RPS6KA3: variants seen among roughly 807,000 people sequenced by gnomAD.
RPS6KA3 encodes ribosomal protein S6 kinase alpha-3.
Under a neutral mutation model 67.2 loss-of-function variants are expected in RPS6KA3, and 4 were observed. The observed-to-expected ratio is 0.06, with a 90% CI of 0.03 to 0.14. RPS6KA3 has a LOEUF of 0.14. Among genes scored for constraint, RPS6KA3 ranks in the 10% least tolerant of loss-of-function variants. RPS6KA3 has a pLI of 1.00. For synonymous variants in RPS6KA3, 182 were observed against 183.7 expected (o/e 0.99, Z 0.07); for missense variants, 204 against 559.0 (o/e 0.36, Z 6.40).
intron 1 of RPS6KA3, among the ~76,000 whole-genome samples, chrX:20,257,486 C>T (rs1272391172): frequency 3.6e-5 from 4 of 112,132 alleles, no homozygotes; most frequent in East Asian, 2.8e-4. Context: ...GTGCTGCACA[C>T]GCCAACTCTG....
rs111266956 is a variant in RPS6KA3, at chrX:20,155,970, G to A, written c.2100+139C>T. 3.3e-3 allele frequency: 2,284 copies of A among 682,090 alleles called. 1 individual carries two copies. The highest frequency in any genetic ancestry group is 4.5e-3 in the Non-Finnish European group (1,903 of 422,847). 56.2% of individuals were successfully genotyped at this position (682,090 alleles called of 1,213,427 possible). On this transcript the variant is annotated intron_variant, in intron 21 of 21. Transcript: ENST00000379565. The stretch of plus-strand genomic sequence containing the variant: ...TATATTGATATGCCTTGAGCTTTTC[G>A]AAGTCACCCACTGTAAGAGAATCCC...
chrX:20,265,525 T>G (rs2070353442), intron 1 of RPS6KA3: 1 of 111,917 alleles, frequency 8.9e-6, no homozygotes, highest in Non-Finnish European at 1.9e-5. Flanking sequence ...ACACGCAGCC[T>G]ATCATCCTGT....
chrX:20,209,248 G>C, intron 3 of RPS6KA3, 40 bp downstream of exon 3: 2 of 752,838 alleles, frequency 2.7e-6, no homozygotes, highest in Non-Finnish European at 4.2e-6. Flanking sequence ...CATATGAATT[G>C]AAAAGACAAC....
intron 2 of RPS6KA3, among the ~76,000 whole-genome samples, chrX:20,226,533 C>A (rs911962381): frequency 1.8e-5 from 2 of 112,129 alleles, no homozygotes; most frequent in Non-Finnish European, 3.8e-5. Flanking sequence ...GTGCATTTAC[C>A]CAAATGTTGA....
At chrX:20,214,841 CTTTTTTT>C (rs753632500) in intron 2 of RPS6KA3, among the ~76,000 whole-genome samples, 1 of 90,333 alleles carries the variant, frequency 1.1e-5, no homozygotes, top group African/African-American at 4.2e-5. Context: ...TTCTTTTTTT[CTTTTTTT>C]TTTTTTTTGA....
At chrX:20,164,745 T>C (rs2067394949) in intron 18 of RPS6KA3, among the ~76,000 whole-genome samples, 154 bp downstream of exon 18, 1 of 111,886 alleles carries the variant, frequency 8.9e-6, no homozygotes, top group Non-Finnish European at 1.9e-5. Context: ...CAGATGTCAC[T>C]GAAACATTAA....
intron 2 of RPS6KA3, among the ~76,000 whole-genome samples, chrX:20,209,930 GT>G (rs2068668159): frequency 8.9e-6 from 1 of 112,341 alleles, no homozygotes; most frequent in African/African-American, 3.2e-5. Flanking sequence ...GTACACTGAA[GT>G]TTTATTCCTT....
rs776820885 is a variant in RPS6KA3, at chrX:20,228,888, C to T, written c.126+5870G>A. ...TTCTTATTCTCCTTGTTGTTTTGGG[C>T]GGTAATTTCCCAGAGAAGAAGAGGA... On this transcript the variant is annotated intron_variant, in intron 2 of 21. Coordinates refer to ENST00000379565, the MANE Select transcript of RPS6KA3 (RefSeq NM_004586.3). Among the ~76,000 whole-genome samples, 23 of 111,650 alleles carry T rather than the reference C, an allele frequency of 2.1e-4. No homozygotes were observed. The East Asian group carries it at 3.9e-3, about 19-fold the overall frequency.
intron 2 of RPS6KA3, among the ~76,000 whole-genome samples, chrX:20,216,891 T>C (rs1372420901): frequency 8.9e-6 from 1 of 112,083 alleles, no homozygotes; most frequent in African/African-American, 3.2e-5. Flanking sequence ...TGACATACTC[T>C]GTTAGGACCA....
Position 20,266,814 on chromosome X carries a change from C to T in RPS6KA3, c.-182G>A. 2.8e-6 allele frequency: 1 copy of T among 351,880 alleles called. No homozygotes were observed. Among genetic ancestry groups the T allele is most frequent in the Non-Finnish European group, 3.7e-6 (1 of 271,502 alleles). The allele number at this position is 351,880 out of a possible 1,213,427, so 29.0% of individuals were successfully genotyped here. A position where few individuals can be genotyped will look rare whatever the true frequency, so the allele number is the denominator to read the frequency against. Reference sequence around the variant, plus strand: ...GGCCCCAGAGAGGGCTCGACGCCGACGCCGACCGCCCGAAAGCCGCGCGCC... The same window carrying T: ...GGCCCCAGAGAGGGCTCGACGCCGATGCCGACCGCCCGAAAGCCGCGCGCC... On this transcript the variant is annotated 5_prime_UTR_variant, in exon 1 of 22. Transcript: ENST00000379565.
chrX:20,218,311 A>G (rs1368286709), intron 2 of RPS6KA3, among the ~76,000 whole-genome samples: 2 of 112,219 alleles, frequency 1.8e-5, no homozygotes, highest in Non-Finnish European at 3.8e-5. Flanking sequence ...TTAAATATGG[A>G]GTTGCTTAAA....
At chrX:20,245,604 C>T (rs187180545) in intron 1 of RPS6KA3, among the ~76,000 whole-genome samples, 2 of 111,847 alleles carry the variant, frequency 1.8e-5, no homozygotes, top group Admixed American at 1.9e-4. Flanking sequence ...GGATCTACTC[C>T]TAATCCTATT....
intron 2 of RPS6KA3, among the ~76,000 whole-genome samples, chrX:20,221,447 A>AT (rs2068985883): frequency 8.9e-6 from 1 of 112,121 alleles, no homozygotes; most frequent in African/African-American, 3.2e-5. Context: ...AAGGGAAAAA[A>AT]TTTAAAAAAA....
In RPS6KA3 at chrX:20,194,210, C is replaced by T. The variant is rs1287909670; in HGVS notation, c.465G>A (p.Leu155=). The T allele has an allele frequency of 1.7e-6, 2 of 1,181,850 alleles. No homozygotes were observed. The highest frequency in any genetic ancestry group is 2.3e-6 in the Non-Finnish European group (2 of 868,901). The change falls in exon 6 of 22, where the codon TTG becomes TTA. Residue 155 remains leucine (L), a synonymous_variant. Transcript: ENST00000379565. ...LILDFLRGGD[L]FTRLSKEVMF... ...ATACCTCTTTGGATAAGCGTGTAAACAAATCTCCTCCCCTGAGAAAATCCA... is the reference window on the plus strand; with the variant it reads ...ATACCTCTTTGGATAAGCGTGTAAATAAATCTCCTCCCCTGAGAAAATCCA...
At position 20,155,340 on chromosome X, in the gene RPS6KA3, C is replaced by T. The variant is rs767703625; in HGVS notation, c.*58G>A. On this transcript the variant is annotated 3_prime_UTR_variant, in exon 22 of 22. Transcript: ENST00000379565. ...TGTCTCTCAGATACGTGCTACCTGT[C>T]GCCAGAACTTGTGCTATCAGCTTAC... The T allele has an allele frequency of 2.5e-6, 3 of 1,193,218 alleles. No individual in the cohort carries two copies. Among genetic ancestry groups the T allele is most frequent in the South Asian group, 1.8e-5 (1 of 56,483 alleles).
chrX:20,162,197 G>A (rs1310387583), intron 19 of RPS6KA3, among the ~76,000 whole-genome samples: 1 of 108,676 alleles, frequency 9.2e-6, no homozygotes, highest in African/African-American at 3.3e-5. Context: ...TTAGCCGGGA[G>A]TGATAGTGCG....
intron 1 of RPS6KA3, among the ~76,000 whole-genome samples, chrX:20,247,002 C>A (rs909670484): frequency 5.4e-5 from 6 of 111,840 alleles, no homozygotes; most frequent in Non-Finnish European, 1.1e-4. Flanking sequence ...AAAACTCACC[C>A]TAGGTTTAAA....
At chrX:20,242,209 T>C (rs2069568970) in intron 1 of RPS6KA3, among the ~76,000 whole-genome samples, 1 of 111,482 alleles carries the variant, frequency 9.0e-6, no homozygotes, top group African/African-American at 3.3e-5. Context: ...ATAAAAGAGG[T>C]AGTGGGAGAA....
intron 3 of RPS6KA3, among the ~76,000 whole-genome samples, chrX:20,208,437 C>T (rs1405442304): frequency 2.7e-5 from 3 of 111,646 alleles, no homozygotes; most frequent in Non-Finnish European, 5.6e-5. Context: ...CATCTTCGGC[C>T]GGGCGTGGTT....
Sources: allele counts gnomAD v4.1 joint callset (sites outside exome capture counted in the v4.1 genomes callset), GRCh38; gene constraint gnomAD v4.1.1; transcripts MANE v1.5; gene names NCBI Gene and HGNC (gene_info 2026-07-23, HGNC 2026-07-21).